Variants in ODF2L observed in about 807,000 individuals in gnomAD.
The protein encoded by ODF2L is protein BCAP.
In ODF2L, 76 loss-of-function variants were observed where a neutral mutation model predicts 86.3. That is an observed-to-expected ratio of 0.88 (90% CI 0.73 to 1.07). The LOEUF (loss-of-function observed/expected upper bound fraction) is 1.07, where lower values mean the gene tolerates loss of function less well. ODF2L is among the 50% of genes least tolerant of loss of function. The pLI is 0.00. For synonymous variants in ODF2L, 241 were observed against 231.3 expected (o/e 1.04, Z -0.38); for missense variants, 748 against 717.4 (o/e 1.04, Z -0.49).
At chr1:86,355,477 A>C in intron 14 of ODF2L, 1 of 687,080 alleles carries the variant, frequency 1.5e-6, no homozygotes, top group South Asian at 1.8e-5. Flanking sequence ...GTCGTTTGAC[A>C]TTTTACTAGA....
intron 14 of ODF2L, chr1:86,355,365 C>T (rs1442217891): frequency 9.1e-6 from 14 of 1,538,734 alleles, no homozygotes; most frequent in Non-Finnish European, 1.1e-5. Flanking sequence ...ACAGAATATT[C>T]TTCCCACTGC....
chr1:86,388,150 C>T (rs746146514), intron 1 of ODF2L, among the ~76,000 whole-genome samples: 2 of 151,970 alleles, frequency 1.3e-5, no homozygotes, highest in Non-Finnish European at 1.5e-5. Context: ...GCTGAGTAAC[C>T]AACAGATAGT....
intron 11 of ODF2L, among the ~76,000 whole-genome samples, chr1:86,362,717 T>C (rs1659131228): frequency 6.6e-6 from 1 of 152,168 alleles, no homozygotes. Context: ...TGGAGAGCAG[T>C]AGTGTGATCT....
intron 7 of ODF2L, 103 bp from the exon 8 acceptor site, chr1:86,376,521 A>G (rs1660187209): frequency 4.5e-6 from 3 of 668,866 alleles, no homozygotes; most frequent in Admixed American, 2.9e-5. Context: ...GTATTACTCC[A>G]TTCTCACACT....
intron 11 of ODF2L, among the ~76,000 whole-genome samples, chr1:86,365,991 A>G (rs1309576356): frequency 2.0e-5 from 3 of 152,206 alleles, no homozygotes; most frequent in Non-Finnish European, 4.4e-5. Flanking sequence ...CTGTTTGGGA[A>G]TAACAGAGGG....
intron 14 of ODF2L, 40 bp from the exon 14 acceptor site, chr1:86,354,899 C>T: frequency 9.2e-7 from 1 of 1,084,922 alleles, no homozygotes; most frequent in Non-Finnish European, 1.4e-6. Context: ...ATTTTCTTCA[C>T]AATCAACTTC....
intron 9 of ODF2L, among the ~76,000 whole-genome samples, chr1:86,372,106 T>C (rs985178962): frequency 7.3e-5 from 11 of 151,616 alleles, no homozygotes; most frequent in Non-Finnish European, 2.9e-5. Flanking sequence ...GGAAAATCAC[T>C]TGAACCCAGG....
intron 11 of ODF2L, among the ~76,000 whole-genome samples, chr1:86,365,721 G>A (rs1659358532): frequency 6.6e-6 from 1 of 152,188 alleles, no homozygotes; most frequent in Admixed American, 6.5e-5. Context: ...CTGGAAAACT[G>A]ATGACTGACT....
intron 17 of ODF2L, among the ~76,000 whole-genome samples, chr1:86,352,571 AAGT>A (rs1283955402): frequency 6.6e-6 from 1 of 152,198 alleles, no homozygotes; most frequent in East Asian, 1.9e-4. Flanking sequence ...GGATGAAATC[AAGT>A]AGATTATATC....
chr1:86,355,308 G>A, intron 14 of ODF2L: 3 of 1,370,770 alleles, frequency 2.2e-6, no homozygotes, highest in South Asian at 1.3e-5. Flanking sequence ...ATTTTTTTGA[G>A]AAGCAAAGTG....
chr1:86,353,086 G>A, intron 16 of ODF2L, 102 bp from the exon 16 acceptor site: 1 of 721,350 alleles, frequency 1.4e-6, no homozygotes, highest in Non-Finnish European at 2.3e-6. Flanking sequence ...GATATTACTT[G>A]TATGTTATAT....
chr1:86,386,750 A>T, intron 2 of ODF2L, 165 bp downstream of exon 2: 1 of 432,504 alleles, frequency 2.3e-6, no homozygotes, highest in Middle Eastern at 5.9e-4. Flanking sequence ...CTGCTAGATG[A>T]GTACACTTGT....
At chr1:86,357,282 C>T (rs1164467697) in intron 13 of ODF2L, among the ~76,000 whole-genome samples, 1 of 151,864 alleles carries the variant, frequency 6.6e-6, no homozygotes, top group African/African-American at 2.4e-5. Context: ...GACTCTTTCC[C>T]TGAGACAGGA....
At chr1:86,372,812 C>T (rs1006463683) in intron 8 of ODF2L, among the ~76,000 whole-genome samples, 3 of 152,158 alleles carry the variant, frequency 2.0e-5, no homozygotes, top group African/African-American at 7.2e-5. Context: ...AAAGGAACAT[C>T]TGCAGCAACC....
rs1658571734 is a variant in ODF2L at position 86,356,488 on chromosome 1, TC to T, written c.1473del (p.Lys492SerfsTer23). On this transcript the variant is annotated frameshift_variant, in exon 14 of 18. Transcript: ENST00000317336. LOFTEE classifies it high-confidence loss of function. Reference sequence around the variant, plus strand: ...ATGGTGTGTTCCTGGTCTGCACACTTCCCCTTGCAGCACTGCAGACTCTCCT... The same window carrying T: ...ATGGTGTGTTCCTGGTCTGCACACTTCCCTTGCAGCACTGCAGACTCTCCT... 1 of 1,613,838 alleles carries T rather than the reference TC, an allele frequency of 6.2e-7. No individual in the cohort carries two copies. Among genetic ancestry groups the T allele is most frequent in the South Asian group, 1.1e-5 (1 of 91,066 alleles).
chr1:86,353,012 A>G (rs755103726), intron 16 of ODF2L, 28 bp from the exon 16 acceptor site: 143 of 1,407,382 alleles, frequency 1.0e-4, no homozygotes, highest in Non-Finnish European at 1.4e-4. Flanking sequence ...AGAGTAAAAT[A>G]AAGTGCTTTC....
At chr1:86,352,065 TCTGA>T (rs749174669) in exon 18 of ODF2L, 229 of 1,348,558 alleles carry the variant, frequency 1.7e-4, no homozygotes, top group African/African-American at 8.9e-4. Context: ...GACGTTTTGT[TCTGA>T]CTAAGTTGTC....
At chr1:86,362,617 G>A (rs1023221240) in intron 11 of ODF2L, among the ~76,000 whole-genome samples, 6 of 152,042 alleles carry the variant, frequency 3.9e-5, no homozygotes, top group Admixed American at 1.3e-4. Flanking sequence ...TGAAGGACAC[G>A]TCAGAACTCA....
intron 13 of ODF2L, chr1:86,358,189 A>G (rs12746791): frequency 1.9e-6 from 1 of 519,618 alleles, no homozygotes; most frequent in Non-Finnish European, 2.5e-6. Flanking sequence ...CTCTGCTGCC[A>G]GGAGTCAGCA....
Sources: gnomAD v4.1 joint callset for allele counts (sites outside exome capture counted in the v4.1 genomes callset) on GRCh38, gnomAD v4.1.1 for gene constraint, MANE v1.5 for transcripts, NCBI Gene and HGNC (gene_info 2026-07-23, HGNC 2026-07-21) for gene names.